ANKRD36C: variants seen among roughly 807,000 people sequenced by gnomAD.
ANKRD36C encodes ankyrin repeat domain-containing protein 36C.
A neutral mutation model predicts 276.4 loss-of-function variants in ANKRD36C; 61 were observed. The ratio of observed to expected loss-of-function variants is 0.22; its 90% confidence interval spans 0.18 to 0.27. The LOEUF (loss-of-function observed/expected upper bound fraction) is 0.27, where lower values mean the gene tolerates loss of function less well. Among genes scored for constraint, ANKRD36C ranks in the 10% least tolerant of loss-of-function variants. The pLI is 1.00. For missense variants in ANKRD36C, 1,447 were observed against 2,032.3 expected (o/e 0.71, Z 5.54); for synonymous variants, 483 against 680.1 (o/e 0.71, Z 4.51).
chr2:95,887,481 A>G (rs939165670), intron 50 of ANKRD36C, among the ~76,000 whole-genome samples: 2 of 151,302 alleles, frequency 1.3e-5, no homozygotes, highest in Admixed American at 6.6e-5. Flanking sequence ...CTTGGGAAAA[A>G]TCATTGCTAT....
At chr2:95,966,208 T>C (rs62155484) in intron 6 of ANKRD36C, among the ~76,000 whole-genome samples, 340 of 146,554 alleles carry the variant, frequency 2.3e-3, no homozygotes, top group African/African-American at 2.2e-3. Context: ...TTTGTTGCCA[T>C]TGCTTTTGGT....
At chr2:95,952,769 A>G (rs1246685315) in intron 14 of ANKRD36C, among the ~76,000 whole-genome samples, 2 of 152,008 alleles carry the variant, frequency 1.3e-5, no homozygotes. Flanking sequence ...TGTCATGCAT[A>G]TTAGGTTACC....
exon 8 of ANKRD36C, chr2:95,962,378 A>G: frequency 6.4e-7 from 1 of 1,560,680 alleles, no homozygotes; most frequent in South Asian, 1.2e-5. Context: ...TCCATCCTTT[A>G]TTTCTGTGGC....
At chr2:95,856,216 A>G (rs1260495092) in intron 62 of ANKRD36C, 36 bp from the exon 83 acceptor site, 1 of 1,576,514 alleles carries the variant, frequency 6.3e-7, no homozygotes, top group Middle Eastern at 2.3e-4. Flanking sequence ...ACTAGTATCC[A>G]ATAGGATAAC....
At chr2:95,957,313 T>C (rs1469635538) in intron 12 of ANKRD36C, among the ~76,000 whole-genome samples, 2 of 152,304 alleles carry the variant, frequency 1.3e-5, no homozygotes, top group African/African-American at 4.8e-5. Flanking sequence ...TAAACCATTA[T>C]ACTACAAATA....
intron 59 of ANKRD36C, among the ~76,000 whole-genome samples, chr2:95,868,193 C>T (rs1675722506): frequency 6.6e-6 from 1 of 152,110 alleles, no homozygotes; most frequent in Non-Finnish European, 1.5e-5. Context: ...TTTATGCTTT[C>T]ATACTTATTT....
chr2:95,896,921 T>C (rs1311296744), intron 44 of ANKRD36C, among the ~76,000 whole-genome samples: 1 of 148,316 alleles, frequency 6.7e-6, no homozygotes, highest in Non-Finnish European at 1.5e-5. Flanking sequence ...CAGTACGATC[T>C]GAAGTGTGTA....
intron 6 of ANKRD36C, among the ~76,000 whole-genome samples, chr2:95,972,337 G>C (rs1415481413): frequency 6.6e-6 from 1 of 152,174 alleles, no homozygotes; most frequent in Non-Finnish European, 1.5e-5. Flanking sequence ...AAGAACCTGG[G>C]ATACTGTGTA....
chr2:95,964,739 G>A (rs1009482395), intron 6 of ANKRD36C, among the ~76,000 whole-genome samples: 2 of 151,898 alleles, frequency 1.3e-5, no homozygotes, highest in Non-Finnish European at 2.9e-5. Flanking sequence ...CATATTATGA[G>A]TTATTATCAT....
In ANKRD36C at chr2:95,853,672, G is replaced by A. The variant is rs761040908; in HGVS notation, c.5148+37C>T. The A allele has an allele frequency of 7.7e-6, 12 of 1,555,430 alleles. No homozygotes were observed. The East Asian group carries it at 1.4e-4, about 18-fold the overall frequency. On this transcript the variant is annotated intron_variant, in intron 64 of 66. Coordinates refer to ENST00000456556, the Ensembl canonical transcript of ANKRD36C. ...ACTTTATATTAGTTAACTAGCTACAGATTAACAGTTGTTGGTGTGCAAAGT... is the reference window on the plus strand; with the variant it reads ...ACTTTATATTAGTTAACTAGCTACAAATTAACAGTTGTTGGTGTGCAAAGT...
At chr2:95,855,940 C>T (rs780397715) in exon 63 of ANKRD36C, 1 of 1,613,354 alleles carries the variant, frequency 6.2e-7, no homozygotes, top group African/African-American at 1.3e-5. Context: ...GTGTTTTCAT[C>T]CGTCAGAGCA....
chr2:95,933,651 C>T (rs987214359), intron 24 of ANKRD36C, among the ~76,000 whole-genome samples: 19 of 152,104 alleles, frequency 1.2e-4, no homozygotes, highest in Non-Finnish European at 2.6e-4. Context: ...GCTGATGTTG[C>T]TTATCAGCTG....
At chr2:95,876,154 T>C (rs1460432404) in intron 59 of ANKRD36C, among the ~76,000 whole-genome samples, 10 of 151,802 alleles carry the variant, frequency 6.6e-5, no homozygotes, top group Admixed American at 3.9e-4. Context: ...CAATATTTGA[T>C]GTTACCTTCT....
At chr2:95,903,533 A>T (rs1676718122) in intron 42 of ANKRD36C, among the ~76,000 whole-genome samples, 1 of 151,526 alleles carries the variant, frequency 6.6e-6, no homozygotes, top group African/African-American at 2.4e-5. Flanking sequence ...ATAACTGAGA[A>T]GGCACACAAT....
Position 95,921,515 on chromosome 2 carries a change from C to T in ANKRD36C, c.2245+92G>A. 12 of 1,505,940 alleles carry T rather than the reference C, an allele frequency of 8.0e-6. 1 individual carries two copies. The highest frequency in any genetic ancestry group is 2.2e-5 in the Admixed American group (1 of 45,222). The allele number at this position is 1,505,940 out of a possible 1,614,324, so 93.3% of individuals were successfully genotyped here. A position where few individuals can be genotyped will look rare whatever the true frequency, so the allele number is the denominator to read the frequency against. On this transcript the variant is annotated intron_variant, in intron 34 of 66. Transcript: ENST00000456556. ...ATCAGAATGTGCAGCTTCGGCGAGCCCCCCCACCTGCCCTCCACTGATTTA... is the reference window on the plus strand; with the variant it reads ...ATCAGAATGTGCAGCTTCGGCGAGCTCCCCCACCTGCCCTCCACTGATTTA...
chr2:95,986,579 T>C lies in ANKRD36C; in HGVS notation c.486+172A>G, dbSNP rs1034486034. 4 of 877,046 alleles carry C rather than the reference T, an allele frequency of 4.6e-6. No individual in the cohort carries two copies. In the African/African-American group the frequency reaches 6.8e-5, roughly 15 times the overall value. The allele number at this position is 877,046 out of a possible 1,614,324, so 54.3% of individuals were successfully genotyped here. A position where few individuals can be genotyped will look rare whatever the true frequency, so the allele number is the denominator to read the frequency against. ...AAAAATAGCTGTTCCTTATAATGCT[T>C]CTTTAAAAGTTCCAAAATTTAAAGT... On this transcript the variant is annotated intron_variant, in intron 3 of 66. Coordinates refer to ENST00000456556, the Ensembl canonical transcript of ANKRD36C.
chr2:95,931,852 A>ACACACACACACACACACC (rs1677581282), intron 24 of ANKRD36C, among the ~76,000 whole-genome samples: 2 of 130,906 alleles, frequency 1.5e-5, no homozygotes, highest in Admixed American at 7.8e-5. Flanking sequence ...ACACACATAC[A>ACACACACACACACACACC]CACACACACA....
chr2:95,986,063 G>A (rs1573820971), intron 3 of ANKRD36C, among the ~76,000 whole-genome samples: 2 of 152,126 alleles, frequency 1.3e-5, no homozygotes, highest in East Asian at 3.9e-4. Flanking sequence ...ATTGATCCCT[G>A]GGCAATTTCA....
At chr2:95,986,092 C>T (rs1277122106) in intron 3 of ANKRD36C, among the ~76,000 whole-genome samples, 1 of 152,100 alleles carries the variant, frequency 6.6e-6, no homozygotes, top group East Asian at 1.9e-4. Flanking sequence ...AAACTCTTTC[C>T]CAAAGTAAGA....
Sources: allele counts gnomAD v4.1 joint callset (sites outside exome capture counted in the v4.1 genomes callset), GRCh38; gene constraint gnomAD v4.1.1; transcripts MANE v1.5; gene names NCBI Gene and HGNC (gene_info 2026-07-23, HGNC 2026-07-21).